Variants in NBEA observed in about 807,000 individuals in gnomAD.
The protein encoded by NBEA is neurobeachin, also known as lysosomal-trafficking regulator 2.
NBEA carries 44 observed loss-of-function variants against 343.4 expected under a neutral mutation model. The ratio of observed to expected loss-of-function variants is 0.13; its 90% CI spans 0.10 to 0.16. The LOEUF is 0.16. Ranked by LOEUF, NBEA falls within the 10% of genes least tolerant of loss-of-function variation. NBEA has a pLI of 1.00. For synonymous variants in NBEA, 1,175 were observed against 1,238.7 expected (o/e 0.95, Z 1.08); for missense variants, 2,555 against 3,631.3 (o/e 0.70, Z 7.62).
chr13:35,549,522 T>C (rs2153011954), intron 41 of NBEA, among the ~76,000 whole-genome samples: 1 of 152,282 alleles, frequency 6.6e-6, no homozygotes, highest in African/African-American at 2.4e-5. Context: ...ATAGATTATA[T>C]ACATGGTAAC....
At chr13:35,170,258 T>A (rs2070359588) in intron 25 of NBEA, among the ~76,000 whole-genome samples, 1 of 151,832 alleles carries the variant, frequency 6.6e-6, no homozygotes, top group Admixed American at 6.6e-5. Flanking sequence ...AAATGGAACA[T>A]TAAATAGGAA....
At chr13:35,553,266 G>A (rs1177039841) in intron 43 of NBEA, among the ~76,000 whole-genome samples, 1 of 152,028 alleles carries the variant, frequency 6.6e-6, no homozygotes, top group African/African-American at 2.4e-5. Flanking sequence ...AATTCATAAT[G>A]CCATTCTATC....
chr13:35,261,569 A>G (rs1430410010), intron 34 of NBEA, among the ~76,000 whole-genome samples: 1 of 152,234 alleles, frequency 6.6e-6, no homozygotes, highest in Admixed American at 6.5e-5. Flanking sequence ...CAATGTAAAA[A>G]AGAAAGAAAT....
intron 38 of NBEA, among the ~76,000 whole-genome samples, chr13:35,409,128 A>C (rs1398215233): frequency 3.9e-5 from 6 of 152,208 alleles, no homozygotes; most frequent in African/African-American, 9.6e-5. Context: ...GATAAAGAAA[A>C]TGTGGTACAT....
At chr13:35,000,416 T>G (rs1381475282) in intron 1 of NBEA, among the ~76,000 whole-genome samples, 2 of 152,166 alleles carry the variant, frequency 1.3e-5, no homozygotes, top group Admixed American at 6.6e-5. Context: ...CTTGCTAATG[T>G]TAAACTTGGT....
chr13:35,482,421 C>T (rs1370335213), intron 41 of NBEA, among the ~76,000 whole-genome samples: 3 of 150,644 alleles, frequency 2.0e-5, no homozygotes, highest in African/African-American at 7.3e-5. Flanking sequence ...TAATAATATA[C>T]ATTTTAGTAC....
intron 38 of NBEA, among the ~76,000 whole-genome samples, chr13:35,408,286 G>C (rs1455269744): frequency 6.6e-6 from 1 of 152,168 alleles, no homozygotes; most frequent in African/African-American, 2.4e-5. Context: ...TAAATTTAGT[G>C]CTAAGATAAG....
chr13:35,411,621 T>TA (rs1157025399), intron 38 of NBEA, among the ~76,000 whole-genome samples: 1 of 149,858 alleles, frequency 6.7e-6, no homozygotes, highest in Non-Finnish European at 1.5e-5. Context: ...CATGCCCTGC[T>TA]AATGTTTTTC....
chr13:35,634,498 T>G (rs1179210727), intron 49 of NBEA, among the ~76,000 whole-genome samples: 2 of 152,324 alleles, frequency 1.3e-5, no homozygotes, highest in African/African-American at 2.4e-5. Flanking sequence ...GACAAGTTAT[T>G]AACAAGATAC....
At chr13:35,446,423 A>G (rs1471868328) in intron 39 of NBEA, among the ~76,000 whole-genome samples, 2 of 152,324 alleles carry the variant, frequency 1.3e-5, no homozygotes, top group South Asian at 2.1e-4. Flanking sequence ...ACTAGTTTAC[A>G]GTCCCACCAA....
intron 10 of NBEA, among the ~76,000 whole-genome samples, chr13:35,083,644 CT>C (rs1193643898): frequency 1.3e-5 from 2 of 152,116 alleles, no homozygotes; most frequent in East Asian, 3.9e-4. Flanking sequence ...GTACCAGCCA[CT>C]GCAAAAACAT....
intron 40 of NBEA, among the ~76,000 whole-genome samples, chr13:35,452,797 A>G (rs1356205262): frequency 1.3e-5 from 2 of 152,308 alleles, no homozygotes; most frequent in East Asian, 3.9e-4. Flanking sequence ...CAGTGAGCAG[A>G]TGGGGTATAG....
intron 40 of NBEA, among the ~76,000 whole-genome samples, chr13:35,456,671 G>A (rs2046596929): frequency 6.6e-6 from 1 of 151,796 alleles, no homozygotes; most frequent in Admixed American, 6.6e-5. Context: ...ATATAAATTG[G>A]TAAGTGAAGG....
chr13:35,184,144 G>A (rs2071519150), intron 30 of NBEA, 73 bp downstream of exon 30: 2 of 1,092,490 alleles, frequency 1.8e-6, no homozygotes, highest in South Asian at 3.2e-5. Flanking sequence ...AAATATTCAT[G>A]ATATACTTGT....
At chr13:35,541,725 G>GGGGTGT (rs149705241) in intron 41 of NBEA, among the ~76,000 whole-genome samples, 81 of 145,230 alleles carry the variant, frequency 5.6e-4, no homozygotes, top group African/African-American at 1.9e-3. Context: ...GGTCTGCATG[G>GGGGTGT]GTGTGTGTGT....
chr13:35,607,310 G>T (rs905575382), intron 48 of NBEA, among the ~76,000 whole-genome samples: 2 of 152,146 alleles, frequency 1.3e-5, no homozygotes, highest in South Asian at 4.2e-4. Flanking sequence ...TCCTACCTAG[G>T]CCTCCCAGAA....
intron 31 of NBEA, among the ~76,000 whole-genome samples, chr13:35,200,050 A>G (rs1029159478): frequency 1.3e-5 from 2 of 152,062 alleles, no homozygotes. Context: ...TCATAAAACT[A>G]TAACAATTTT....
At chr13:35,087,714 G>A (rs2064847062) in intron 10 of NBEA, among the ~76,000 whole-genome samples, 1 of 151,804 alleles carries the variant, frequency 6.6e-6, no homozygotes, top group African/African-American at 2.4e-5. Context: ...TGAAAGGCAT[G>A]GATATATGCT....
intron 31 of NBEA, among the ~76,000 whole-genome samples, chr13:35,206,664 G>T (rs1217962386): frequency 6.6e-6 from 1 of 152,018 alleles, no homozygotes; most frequent in Non-Finnish European, 1.5e-5. Context: ...CAGTGGTAAT[G>T]ATTATTAACA....
Sources: allele counts gnomAD v4.1 joint callset (sites outside exome capture counted in the v4.1 genomes callset), GRCh38; gene constraint gnomAD v4.1.1; transcripts MANE v1.5; gene names NCBI Gene and HGNC (gene_info 2026-07-23, HGNC 2026-07-21).